SVIL: variants seen among roughly 807,000 people sequenced by gnomAD.
The protein encoded by SVIL is archvillin.
A neutral mutation model predicts 240.4 loss-of-function variants in SVIL; 101 were observed. That is an observed-to-expected ratio of 0.42 (90% CI 0.36 to 0.50). The LOEUF is 0.50. Among genes scored for constraint, SVIL ranks in the 20% least tolerant of loss-of-function variants. The pLI, the probability that SVIL is intolerant of heterozygous loss-of-function variation, is 0.01. For synonymous variants in SVIL, 999 were observed against 1,100.0 expected (o/e 0.91, Z 1.82); for missense variants, 2,512 against 2,818.7 (o/e 0.89, Z 2.46).
chr10:29,648,441 A>G (rs1434953665), intron 3 of SVIL, among the ~76,000 whole-genome samples: 4 of 152,188 alleles, frequency 2.6e-5, no homozygotes, highest in African/African-American at 4.8e-5. Flanking sequence ...ACTCTTCCAT[A>G]AAATGATGGG....
chr10:29,723,197 T>A (rs943470436), intron 1 of SVIL, among the ~76,000 whole-genome samples: 2 of 152,170 alleles, frequency 1.3e-5, no homozygotes, highest in Non-Finnish European at 2.9e-5. Flanking sequence ...TAGTGAGACC[T>A]TGTCTCTTCA....
At chr10:29,549,425 G>A (rs1244504114) in intron 6 of SVIL, among the ~76,000 whole-genome samples, 3 of 122,238 alleles carry the variant, frequency 2.5e-5, no homozygotes, top group Non-Finnish European at 5.3e-5. Flanking sequence ...CTGTTGGTGG[G>A]ACTGTAAACT....
chr10:29,596,636 G>C (rs996403721), intron 1 of SVIL, among the ~76,000 whole-genome samples: 2 of 152,156 alleles, frequency 1.3e-5, no homozygotes, highest in African/African-American at 4.8e-5. Context: ...GGGCTAGAGG[G>C]AGGACCCCCA....
chr10:29,493,261 C>A lies in SVIL; in HGVS notation c.3972G>T (p.Val1324=), dbSNP rs368928282. 187 of 1,613,978 alleles carry A rather than the reference C, an allele frequency of 1.2e-4. No individual in the cohort carries two copies. Among genetic ancestry groups the A allele is most frequent in the Non-Finnish European group, 1.5e-4 (176 of 1,180,038 alleles). ...TGACATCGAAGTCCTCATCCATCTCCACAGGACTTCTTGGCATATTATAAT... is the reference window on the plus strand; with the variant it reads ...TGACATCGAAGTCCTCATCCATCTCAACAGGACTTCTTGGCATATTATAAT... ...SVDYNMPRSP[V]EMDEDFDVIF... is the part of the protein sequence containing the mutation. The change falls in exon 21 of 38, where the codon GTG becomes GTT. Residue 1324 remains valine, a synonymous_variant. Transcript: ENST00000355867.
intron 1 of SVIL, among the ~76,000 whole-genome samples, chr10:29,587,502 TCCAAGG>T (rs1956218575): frequency 6.6e-6 from 1 of 152,142 alleles, no homozygotes; most frequent in South Asian, 2.1e-4. Flanking sequence ...CAAAAACTCT[TCCAAGG>T]CCGCACTGGG....
intron 3 of SVIL, among the ~76,000 whole-genome samples, chr10:29,559,229 A>C (rs1452404226): frequency 1.3e-5 from 2 of 152,056 alleles, no homozygotes; most frequent in East Asian, 3.8e-4. Flanking sequence ...TTGTAATATC[A>C]GACGTACAGA....
intron 18 of SVIL, among the ~76,000 whole-genome samples, chr10:29,498,439 G>T (rs925732750): frequency 2.6e-5 from 4 of 152,056 alleles, no homozygotes; most frequent in African/African-American, 9.7e-5. Flanking sequence ...TGTAATTATG[G>T]GAAAAGACCA....
At chr10:29,509,330 G>GGGGAGAGA (rs1949620403) in intron 17 of SVIL, among the ~76,000 whole-genome samples, 7 of 66,880 alleles carry the variant, frequency 1.0e-4, no homozygotes, top group Non-Finnish European at 1.5e-4. Flanking sequence ...GGAGGGGGAG[G>GGGGAGAGA]GAGAGAGAGA....
chr10:29,617,839 C>T (rs1409968621), intron 1 of SVIL, among the ~76,000 whole-genome samples: 4 of 152,130 alleles, frequency 2.6e-5, no homozygotes, highest in Admixed American at 1.3e-4. Context: ...ATAATAAAGC[C>T]GGCCAATGCA....
intron 6 of SVIL, among the ~76,000 whole-genome samples, chr10:29,541,323 G>A (rs1161113091): frequency 1.3e-5 from 2 of 152,160 alleles, no homozygotes; most frequent in African/African-American, 4.8e-5. Context: ...AATCAATTCT[G>A]GTGGACAGAG....
chr10:29,717,407 T>G (rs568240048), intron 1 of SVIL, among the ~76,000 whole-genome samples: 1 of 152,250 alleles, frequency 6.6e-6, no homozygotes, highest in South Asian at 2.1e-4. Context: ...TTGACATTTT[T>G]CATAAGAGAA....
chr10:29,470,240 G>A (rs781607337), intron 32 of SVIL, 36 bp downstream of exon 32: 20 of 1,587,700 alleles, frequency 1.3e-5, no homozygotes, highest in Non-Finnish European at 1.7e-5. Context: ...GGGAAGCCCG[G>A]TGTGTGGGGG....
chr10:29,718,599 C>T (rs7077118), intron 1 of SVIL, among the ~76,000 whole-genome samples: 29,167 of 151,842 alleles, frequency 0.19, 3,432 homozygotes, highest in African/African-American at 0.34. Context: ...CTCCCAGAGC[C>T]GAGAATCTGG....
intron 1 of SVIL, among the ~76,000 whole-genome samples, chr10:29,602,078 TG>T (rs141804514): frequency 0.027 from 4,148 of 152,278 alleles, 111 homozygotes; most frequent in Admixed American, 0.075. Flanking sequence ...TTTCAAAACA[TG>T]GGGCCCTGGA....
At position 29,473,904 on chromosome 10, in the gene SVIL, G is replaced by T; in HGVS notation, c.5463C>A (p.Ser1821=). 1 of 1,614,018 alleles carries T rather than the reference G, an allele frequency of 6.2e-7. No homozygotes were observed. The highest frequency in any genetic ancestry group is 1.3e-5 in the African/African-American group (1 of 75,036). ...CCGACGTGCCCTTCTCACTCACGGT[G>T]GAGTGCCGGCCTTGCCAGAAGAAGT... ...CVYFFWQGRH[S]TVSEKGTSAL... Residue 1821 remains serine, a synonymous_variant, in exon 30 of 38, where the codon TCC becomes TCA. Coordinates refer to ENST00000355867, the MANE Select transcript of SVIL (RefSeq NM_021738.3).
rs71525560 is a variant in SVIL at position 29,604,363 on chromosome 10, CTTTTTT to C, written c.-201+30051_-201+30056del. On this transcript the variant is annotated intron_variant, in intron 1 of 37. Coordinates refer to ENST00000355867, the MANE Select transcript of SVIL (RefSeq NM_021738.3). ...TACAGGCATGTGCCACCATGTCTGG[CTTTTTT>C]TTTTTTTTTTTTTTTTTTTTTTGGT... Among the ~76,000 whole-genome samples the C allele has an allele frequency of 6.7e-3, 257 of 38,404 alleles. 1 individual carries two copies. Among genetic ancestry groups the C allele is most frequent in the Non-Finnish European group, 0.012 (208 of 17,662 alleles). The allele number at this position is 38,404 out of a possible 152,430, so 25.2% of individuals were successfully genotyped here.
chr10:29,717,735 G>A (rs945114969), intron 1 of SVIL, among the ~76,000 whole-genome samples: 2 of 152,148 alleles, frequency 1.3e-5, no homozygotes, highest in African/African-American at 4.8e-5. Context: ...TTGTCAAGTT[G>A]AATGCGAATA....
At chr10:29,526,613 T>G (rs1950939181) in intron 13 of SVIL, among the ~76,000 whole-genome samples, 1 of 152,176 alleles carries the variant, frequency 6.6e-6, no homozygotes, top group South Asian at 2.1e-4. Flanking sequence ...AATGTCCCAT[T>G]TTTCTATTAA....
At chr10:29,521,272 C>T (rs1047048439) in intron 16 of SVIL, among the ~76,000 whole-genome samples, 12 of 149,834 alleles carry the variant, frequency 8.0e-5, no homozygotes, top group Admixed American at 4.0e-4. Flanking sequence ...AGAAAGAAGA[C>T]TTTTCATTGT....
Sources: gnomAD v4.1 joint callset for allele counts (sites outside exome capture counted in the v4.1 genomes callset) on GRCh38, gnomAD v4.1.1 for gene constraint, MANE v1.5 for transcripts, NCBI Gene and HGNC (gene_info 2026-07-23, HGNC 2026-07-21) for gene names.